The following CNIH3 variants were observed in gnomAD, a reference collection of about 807,000 sequenced individuals.
CNIH3 encodes the protein cornichon family AMPA receptor auxiliary protein 3.
Under a neutral mutation model 24.1 loss-of-function variants are expected in CNIH3, and 14 were observed. The observed-to-expected ratio is 0.58, with a 90% CI of 0.38 to 0.91. The LOEUF is 0.91. Among genes scored for constraint, CNIH3 ranks in the 40% least tolerant of loss-of-function variants. The pLI, the probability that CNIH3 is intolerant of heterozygous loss-of-function variation, is 0.00. For missense variants in CNIH3, 178 were observed against 196.8 expected (o/e 0.90, Z 0.57); for synonymous variants, 68 against 73.8 (o/e 0.92, Z 0.40).
intron 4 of CNIH3, among the ~76,000 whole-genome samples, chr1:224,569,844 C>T (rs1680743892): frequency 6.6e-6 from 1 of 151,870 alleles, no homozygotes; most frequent in Admixed American, 6.6e-5. Flanking sequence ...AGTGCAATGG[C>T]GCGATCTCAG....
intron 4 of CNIH3, among the ~76,000 whole-genome samples, chr1:224,734,361 A>G (rs910558591): frequency 6.6e-6 from 1 of 152,016 alleles, no homozygotes; most frequent in Non-Finnish European, 1.5e-5. Context: ...ATGCCAGTGG[A>G]TTGGAGTATT....
intron 3 of CNIH3, among the ~76,000 whole-genome samples, chr1:224,602,284 A>G (rs571699386): frequency 1.0e-4 from 13 of 126,614 alleles, no homozygotes; most frequent in African/African-American, 4.2e-4. Flanking sequence ...TTTAATGGCT[A>G]TTGAATATTT....
At chr1:224,532,659 A>G (rs1332200819) in intron 2 of CNIH3, among the ~76,000 whole-genome samples, 1 of 152,210 alleles carries the variant, frequency 6.6e-6, no homozygotes, top group Non-Finnish European at 1.5e-5. Flanking sequence ...ACATAGTCAC[A>G]AAGTCAGATA....
chr1:224,715,348 T>C (rs1048772924), intron 3 of CNIH3, among the ~76,000 whole-genome samples: 1 of 152,142 alleles, frequency 6.6e-6, no homozygotes, highest in Non-Finnish European at 1.5e-5. Flanking sequence ...TCCTTGAAGG[T>C]TGGTGACCGC....
intron 1 of CNIH3, among the ~76,000 whole-genome samples, chr1:224,461,625 T>A (rs1330419322): frequency 6.6e-6 from 1 of 152,246 alleles, no homozygotes; most frequent in African/African-American, 2.4e-5. Flanking sequence ...ATTTAAACAG[T>A]TTTAAAACAT....
chr1:224,602,990 C>A (rs1682269380), intron 3 of CNIH3, among the ~76,000 whole-genome samples: 1 of 152,016 alleles, frequency 6.6e-6, no homozygotes, highest in African/African-American at 2.4e-5. Flanking sequence ...AAAAAAGCAA[C>A]ACAAAACCAC....
intron 4 of CNIH3, among the ~76,000 whole-genome samples, chr1:224,568,082 G>A (rs924824502): frequency 1.3e-5 from 2 of 152,096 alleles, no homozygotes; most frequent in Admixed American, 6.6e-5. Flanking sequence ...ACGAGGTCAG[G>A]AGATCAAGAC....
At chr1:224,507,553 C>T (rs559982667) in intron 1 of CNIH3, among the ~76,000 whole-genome samples, 42 of 152,268 alleles carry the variant, frequency 2.8e-4, no homozygotes, top group Admixed American at 1.6e-3. Context: ...TATGTATCCC[C>T]ATGATGTTAG....
At chr1:224,693,522 G>A (rs1236473379) in intron 3 of CNIH3, among the ~76,000 whole-genome samples, 1 of 152,080 alleles carries the variant, frequency 6.6e-6, no homozygotes, top group Non-Finnish European at 1.5e-5. Flanking sequence ...CTTGTATCTG[G>A]TGGGCAGCAG....
chr1:224,513,365 G>GA (rs1359787507), upstream of CNIH3, among the ~76,000 whole-genome samples: 1 of 127,688 alleles, frequency 7.8e-6, no homozygotes, highest in African/African-American at 3.7e-5. Flanking sequence ...GGGGTGGGAG[G>GA]GGGGGGGTCT....
chr1:224,537,143 T>C (rs1305588155), downstream of CNIH3: 1 of 152,188 alleles, frequency 6.6e-6, no homozygotes, highest in African/African-American at 2.4e-5. Context: ...CATATCTCCA[T>C]CACAATTTGC....
intron 1 of CNIH3, among the ~76,000 whole-genome samples, chr1:224,475,368 AAAAG>A (rs1676546585): frequency 2.0e-5 from 3 of 147,664 alleles, no homozygotes; most frequent in South Asian, 2.1e-4. Context: ...AAAAAAAAAG[AAAAG>A]AAAAGAAAAG....
chr1:224,435,184 G>C (rs1674592605), intron 1 of CNIH3: 1 of 986,394 alleles, frequency 1.0e-6, no homozygotes. Context: ...ATCAGGTGCA[G>C]AAGGTGAGGA....
chr1:224,700,888 C>T (rs1472566126), intron 3 of CNIH3, among the ~76,000 whole-genome samples: 1 of 152,212 alleles, frequency 6.6e-6, no homozygotes, highest in East Asian at 1.9e-4. Context: ...GGACAAAATC[C>T]ACATCTGCCA....
chr1:224,483,152 C>CT (rs1290183904), intron 1 of CNIH3, among the ~76,000 whole-genome samples: 1 of 152,150 alleles, frequency 6.6e-6, no homozygotes, highest in African/African-American at 2.4e-5. Context: ...TTCCTACCCT[C>CT]TCCAGTGCCT....
At chr1:224,533,245 C>CA (rs112099601) in intron 2 of CNIH3, among the ~76,000 whole-genome samples, 213 of 140,008 alleles carry the variant, frequency 1.5e-3, no homozygotes, top group East Asian at 0.015. Flanking sequence ...CATGTCTCTA[C>CA]AAAAAAAAAA....
rs201237352 is a variant in CNIH3, at chr1:224,437,930, G to A, written n.203+3068G>A. Among the ~76,000 whole-genome samples the A allele has an allele frequency of 8.5e-5, 6 of 70,406 alleles. No individual in the cohort carries two copies. In the East Asian group the frequency reaches 1.6e-3, roughly 19 times the overall value. The allele number at this position is 70,406 out of a possible 152,430, so 46.2% of individuals were successfully genotyped here. ...CACGGCAACTATTTTTTTTTTTTTT[G>A]GAGACAGAGTTTCGCTCTGTCGCCC... On this transcript the variant is annotated intron_variant and non_coding_transcript_variant, in intron 1 of 5. Coordinates refer to the CNIH3 transcript ENST00000471578.
intron 1 of CNIH3, among the ~76,000 whole-genome samples, chr1:224,632,512 G>A (rs537119655): frequency 5.7e-4 from 86 of 152,182 alleles, no homozygotes; most frequent in Admixed American, 1.0e-3. Flanking sequence ...CTTGTCCAAT[G>A]GGGTTCTAAT....
chr1:224,695,262 G>T (rs1445027230), intron 3 of CNIH3, among the ~76,000 whole-genome samples: 1 of 151,970 alleles, frequency 6.6e-6, no homozygotes, highest in East Asian at 1.9e-4. Flanking sequence ...TGACTCTTCC[G>T]TGGGTCTCTG....
Sources: allele counts gnomAD v4.1 joint callset (sites outside exome capture counted in the v4.1 genomes callset), GRCh38; gene constraint gnomAD v4.1.1; transcripts MANE v1.5; gene names NCBI Gene and HGNC (gene_info 2026-07-23, HGNC 2026-07-21).